Variants in GALNT9 observed in about 807,000 individuals in gnomAD.
The protein encoded by GALNT9 is GalNAc transferase 9.
Under a neutral mutation model 63.1 loss-of-function variants are expected in GALNT9, and 47 were observed. The observed-to-expected ratio is 0.75, with a 90% CI of 0.59 to 0.95. GALNT9 has a LOEUF of 0.95. Among genes scored for constraint, GALNT9 ranks in the 40% least tolerant of loss-of-function variants. The pLI is 0.00. For synonymous variants in GALNT9, 396 were observed against 365.7 expected (o/e 1.08, Z -0.94); for missense variants, 829 against 874.8 (o/e 0.95, Z 0.66).
chr12:132,309,129 C>T (rs189461846), intron 1 of GALNT9, among the ~76,000 whole-genome samples: 9 of 152,250 alleles, frequency 5.9e-5, no homozygotes, highest in Non-Finnish European at 1.3e-4. Context: ...GTCTGTCCCA[C>T]GCGACACTCT....
chr12:132,203,419 G>A, intron 7 of GALNT9, 86 bp downstream of exon 7: 1 of 1,312,584 alleles, frequency 7.6e-7, no homozygotes. Flanking sequence ...GGGGGCCCTA[G>A]GGGGCCTCCC....
In GALNT9 at chr12:132,262,598, G is replaced by A. The variant is rs1317430380; in HGVS notation, c.447C>T (p.Asp149=). The change falls in exon 3 of 11, where the codon GAC becomes GAT. Residue 149 remains aspartate, a synonymous_variant. Coordinates refer to ENST00000328957, the MANE Select transcript of GALNT9 (RefSeq NM_001122636.2). The part of the protein sequence containing the change: ...RKCRQMSYAQ[D]LPQVSVVFIF... ...TGAAGACCACGGAGACCTGGGGCAGGTCCTGGGCGTAGCTCATCTGTCTGC... is the reference window on the plus strand; with the variant it reads ...TGAAGACCACGGAGACCTGGGGCAGATCCTGGGCGTAGCTCATCTGTCTGC... 1.7e-5 allele frequency: 26 copies of A among 1,551,082 alleles called. No homozygotes were observed. Among genetic ancestry groups the A allele is most frequent in the Non-Finnish European group, 2.3e-5 (26 of 1,146,754 alleles).
At chr12:132,203,413 G>A (rs1190252919) in intron 7 of GALNT9, 92 bp downstream of exon 7, 17 of 1,185,672 alleles carry the variant, frequency 1.4e-5, no homozygotes, top group Non-Finnish European at 1.7e-5. Flanking sequence ...CCTGCAGGGG[G>A]CCCTAGGGGG....
chr12:132,208,903 T>C (rs2135512384), intron 6 of GALNT9, among the ~76,000 whole-genome samples: 1 of 152,344 alleles, frequency 6.6e-6, no homozygotes, highest in Non-Finnish European at 1.5e-5. Context: ...TTAATGCTAG[T>C]TACTAGCCAT....
In GALNT9 at chr12:132,265,616, A is replaced by G. The variant is rs1027410086; in HGVS notation, c.420-2991T>C. Among the ~76,000 whole-genome samples the G allele has an allele frequency of 1.2e-4, 18 of 152,140 alleles. No individual in the cohort carries two copies. Among genetic ancestry groups the G allele is most frequent in the Non-Finnish European group, 2.2e-4 (15 of 68,010 alleles). On this transcript the variant is annotated intron_variant, in intron 2 of 10. Transcript: ENST00000328957. This position sits in a 1 kb window ranked among gnomAD's most constrained non-coding sequence, Gnocchi z 5.3. ...GGCTTCGCAAGGTAAGCAGCCCCAC[A>G]GGACACCAGCCGACAGCCGGATGCT... is the stretch of plus-strand genomic sequence containing the variant.
intron 6 of GALNT9, among the ~76,000 whole-genome samples, chr12:132,215,399 C>T (rs113916993): frequency 0.015 from 2,297 of 152,344 alleles, 48 homozygotes; most frequent in African/African-American, 0.052. Flanking sequence ...CACTGCAGCC[C>T]GGGGAGGATT....
chr12:132,267,866 G>A (rs565788746), intron 2 of GALNT9, among the ~76,000 whole-genome samples: 34 of 115,736 alleles, frequency 2.9e-4, no homozygotes, highest in South Asian at 2.8e-3. Flanking sequence ...ACACACACAC[G>A]CATACAACCC....
intron 6 of GALNT9, among the ~76,000 whole-genome samples, chr12:132,207,967 G>A (rs1410878709): frequency 6.6e-6 from 1 of 152,010 alleles, no homozygotes; most frequent in African/African-American, 2.4e-5. Context: ...CCCCACACCC[G>A]GGGCAGGTCT....
intron 6 of GALNT9, among the ~76,000 whole-genome samples, chr12:132,243,416 C>T (rs577265863): frequency 6.6e-6 from 1 of 152,224 alleles, no homozygotes; most frequent in Admixed American, 6.5e-5. Flanking sequence ...GGGCCCCAGT[C>T]CTCCTCGTCT....
chr12:132,269,935 G>A (rs1248409237), intron 2 of GALNT9, among the ~76,000 whole-genome samples: 1 of 152,224 alleles, frequency 6.6e-6, no homozygotes, highest in African/African-American at 2.4e-5. Context: ...TTTGAGGCCT[G>A]AACAGCACAG....
intron 1 of GALNT9, among the ~76,000 whole-genome samples, chr12:132,309,990 C>A (rs781869254): frequency 1.1e-4 from 17 of 152,232 alleles, no homozygotes; most frequent in Non-Finnish European, 1.8e-4. Flanking sequence ...CCGACCAACA[C>A]CCAGTCAGCA....
intron 1 of GALNT9, among the ~76,000 whole-genome samples, chr12:132,298,472 G>A (rs938444776): frequency 1.5e-5 from 2 of 134,180 alleles, no homozygotes; most frequent in African/African-American, 5.8e-5. Context: ...TAACCCACCC[G>A]AGATAACCAA....
At chr12:132,217,469 G>T (rs537262358) in intron 6 of GALNT9, among the ~76,000 whole-genome samples, 15 of 141,340 alleles carry the variant, frequency 1.1e-4, no homozygotes, top group Non-Finnish European at 1.7e-4. Flanking sequence ...CATCCAGCCA[G>T]CCATCCATTC....
intron 1 of GALNT9, among the ~76,000 whole-genome samples, chr12:132,302,512 C>G (rs28602783): frequency 0.26 from 40,108 of 152,144 alleles, 6,166 homozygotes; most frequent in South Asian, 0.45. Flanking sequence ...ATTTATTCAC[C>G]CATCCATTAT....
intron 6 of GALNT9, among the ~76,000 whole-genome samples, chr12:132,225,851 CCA>C (rs1234665305): frequency 0.55 from 68,769 of 125,158 alleles, 19,449 homozygotes; most frequent in East Asian, 0.68. Flanking sequence ...AACCCACACC[CCA>C]CACACTGTGT....
rs1170367104 is a variant in GALNT9 at position 132,197,924 on chromosome 12, C to A, written c.1533G>T (p.Leu511=). The A allele has an allele frequency of 5.6e-6, 9 of 1,611,672 alleles. No homozygotes were observed. In the South Asian group the frequency reaches 8.8e-5, roughly 16 times the overall value. The change falls in exon 10 of 11, where the codon CTG becomes CTT. Residue 511 remains leucine, a synonymous_variant. Coordinates refer to ENST00000328957, the MANE Select transcript of GALNT9 (RefSeq NM_001122636.2). Reference sequence around the variant, plus strand: ...AGAAGGCTGTGGAGCCCAGAGGCCCCAGCTGCAGCAGTCCATCAGCGCTGT... The same window carrying A: ...AGAAGGCTGTGGAGCCCAGAGGCCCAAGCTGCAGCAGTCCATCAGCGCTGT... ...VRYSADGLLQ[L]GPLGSTAFLP...
At chr12:132,209,232 A>G (rs1876851344) in intron 6 of GALNT9, among the ~76,000 whole-genome samples, 1 of 152,148 alleles carries the variant, frequency 6.6e-6, no homozygotes, top group Non-Finnish European at 1.5e-5. Flanking sequence ...TGCTGATAAA[A>G]TAGGTTGCAG....
At chr12:132,298,076 C>A (rs1400029066) in intron 1 of GALNT9, among the ~76,000 whole-genome samples, 1 of 152,052 alleles carries the variant, frequency 6.6e-6, no homozygotes, top group Non-Finnish European at 1.5e-5. Context: ...CTCACTCCCA[C>A]AATAACCAAC....
chr12:132,313,268 C>T (rs572058172), intron 1 of GALNT9, among the ~76,000 whole-genome samples: 5 of 146,626 alleles, frequency 3.4e-5, no homozygotes, highest in African/African-American at 1.3e-4. Context: ...CATCCACCCA[C>T]CCATTCATCT....
Sources: gnomAD v4.1 joint callset for allele counts (sites outside exome capture counted in the v4.1 genomes callset) on GRCh38, gnomAD v4.1.1 for gene constraint, Gnocchi (gnomAD v3.1) non-coding constraint, MANE v1.5 for transcripts, NCBI Gene and HGNC (gene_info 2026-07-23, HGNC 2026-07-21) for gene names.